The following PABPC1L variants were observed in gnomAD, a reference collection of about 807,000 sequenced individuals.
The protein encoded by PABPC1L is poly(A) binding protein cytoplasmic 1 like.
A neutral mutation model predicts 66.6 loss-of-function variants in PABPC1L; 31 were observed. The observed-to-expected ratio is 0.47, with a 90% CI of 0.35 to 0.63. PABPC1L has a LOEUF of 0.63. PABPC1L is among the 20% of genes least tolerant of loss of function. The pLI is 0.00. For synonymous variants in PABPC1L, 348 were observed against 335.1 expected, an observed-to-expected ratio of 1.04 and a Z score of -0.42; for missense variants, 722 against 848.8, an observed-to-expected ratio of 0.85 and a Z score of 1.86.
chr20:44,938,528 G>T, intron 13 of PABPC1L, 146 bp from the exon 14 acceptor site: 1 of 902,914 alleles, frequency 1.1e-6, no homozygotes, highest in African/African-American at 1.7e-5. Context: ...GATCTTGCAA[G>T]CAGTGGTGGA....
chr20:44,939,108 T>G lies in PABPC1L; in HGVS notation c.*7-18T>G. 1.4e-6 allele frequency: 1 copy of G among 717,770 alleles called. No individual in the cohort carries two copies. 44.5% of individuals were successfully genotyped at this position (717,770 alleles called of 1,614,324 possible). On this transcript the variant is annotated intron_variant, in intron 14 of 14. Transcript: ENST00000217073. ...TGCCATACTTTAAAAACACTTATTT[T>G]TACCTTTTTGTCCTCAGAAAAGGAA...
At chr20:44,934,542 C>T (rs1301961641) in intron 10 of PABPC1L, among the ~76,000 whole-genome samples, 1 of 152,226 alleles carries the variant, frequency 6.6e-6, no homozygotes, top group African/African-American at 2.4e-5. Context: ...GTGAATTTGA[C>T]TGTTCTTGCT....
Position 44,921,737 on chromosome 20 carries a change from G to T in PABPC1L, c.876+6G>T, listed in dbSNP as rs749685953. 1 of 1,612,832 alleles carries T rather than the reference G, an allele frequency of 6.2e-7. No individual in the cohort carries two copies. Among genetic ancestry groups the T allele is most frequent in the South Asian group, 1.1e-5 (1 of 90,986 alleles). The stretch of plus-strand genomic sequence containing the variant: ...ACCGGCTGAGGCGTTACCAGGTGAG[G>T]TCAGGCTTCCTGGTGGCAGCCACTT... On this transcript the variant is annotated splice_donor_region_variant and intron_variant, in intron 6 of 14. Transcript: ENST00000217073.
Position 44,912,799 on chromosome 20 carries a change from C to T in PABPC1L, c.333C>T (p.Asp111=), listed in dbSNP as rs367578777. The T allele has an allele frequency of 1.8e-4, 293 of 1,614,032 alleles. No homozygotes were observed. The highest frequency in any genetic ancestry group is 1.2e-4 in the Non-Finnish European group (146 of 1,180,018). ...IFIKNLEDSI[D]NKALYDTFST... ...TCAAGAACCTGGAGGACTCCATTGA[C>T]AACAAGGCTTTATATGATACCTTCT... Residue 111 remains aspartate (D), a synonymous_variant, in exon 2 of 15, where the codon GAC becomes GAT. Coordinates refer to ENST00000217073, the MANE Select transcript of PABPC1L (RefSeq NM_001372179.1).
At chr20:44,931,671 T>C (rs2066860758) in intron 8 of PABPC1L, 1 of 151,886 alleles carries the variant, frequency 6.6e-6, no homozygotes, top group African/African-American at 2.4e-5. Context: ...ATTTTTTGTA[T>C]TTTTAGTAGA....
intron 12 of PABPC1L, chr20:44,937,100 A>G (rs1442806792): frequency 2.4e-6 from 1 of 425,334 alleles, no homozygotes; most frequent in Non-Finnish European, 4.7e-6. Flanking sequence ...CCTCTCCTGA[A>G]CGGGAGGAAG....
intron 7 of PABPC1L, among the ~76,000 whole-genome samples, chr20:44,928,957 GT>G (rs1183896445): frequency 6.6e-6 from 1 of 151,554 alleles, no homozygotes; most frequent in Non-Finnish European, 1.5e-5. Flanking sequence ...AGCCAGGCCG[GT>G]GTCTTCACCC....
intron 10 of PABPC1L, 65 bp from the exon 11 acceptor site, chr20:44,935,325 GT>G: frequency 3.3e-6 from 4 of 1,215,032 alleles, no homozygotes; most frequent in Non-Finnish European, 4.8e-6. Context: ...GTTTTGTTTT[GT>G]TTTGTTTTTG....
intron 7 of PABPC1L, 69 bp downstream of exon 7, chr20:44,924,325 C>A: frequency 8.0e-7 from 1 of 1,243,538 alleles, no homozygotes; most frequent in South Asian, 1.2e-5. Context: ...CCCCCACAAC[C>A]CCACCCCTCC....
chr20:44,932,293 C>A, intron 8 of PABPC1L, 49 bp from the exon 9 acceptor site: 1 of 1,489,848 alleles, frequency 6.7e-7, no homozygotes, highest in South Asian at 1.2e-5. Flanking sequence ...TAGCTTCTCA[C>A]CTACCCTGCC....
intron 10 of PABPC1L, among the ~76,000 whole-genome samples, chr20:44,934,242 C>T (rs1010379241): frequency 5.9e-5 from 9 of 152,214 alleles, no homozygotes; most frequent in African/African-American, 1.2e-4. Flanking sequence ...GGAGGTTCTG[C>T]GTGAACGAGG....
At chr20:44,930,997 T>TTTCATTCCTTCCTTCC (rs2066848896) in intron 8 of PABPC1L, among the ~76,000 whole-genome samples, 1 of 93,882 alleles carries the variant, frequency 1.1e-5, no homozygotes. Context: ...GACCTACATT[T>TTTCATTCCTTCCTTCC]TTCCTTCCTC....
At chr20:44,925,676 T>C (rs117871062) in intron 7 of PABPC1L, among the ~76,000 whole-genome samples, 200 of 152,296 alleles carry the variant, frequency 1.3e-3, no homozygotes, top group Non-Finnish European at 2.4e-3. Context: ...GGGAGCCTTG[T>C]GTTTGGAGGA....
intron 2 of PABPC1L, among the ~76,000 whole-genome samples, chr20:44,913,609 C>T (rs180994809): frequency 3.9e-4 from 59 of 152,102 alleles, no homozygotes; most frequent in African/African-American, 1.4e-3. Flanking sequence ...TTAGTGGAGA[C>T]AGGGTGGGTT....
chr20:44,913,714 T>G (rs1287568564), intron 2 of PABPC1L, among the ~76,000 whole-genome samples: 1 of 152,066 alleles, frequency 6.6e-6, no homozygotes, highest in African/African-American at 2.4e-5. Flanking sequence ...TTCACTACAT[T>G]CTATTGACCA....
intron 5 of PABPC1L, among the ~76,000 whole-genome samples, chr20:44,920,411 C>T (rs1356167988): frequency 6.6e-6 from 1 of 152,120 alleles, no homozygotes; most frequent in Non-Finnish European, 1.5e-5. Flanking sequence ...TGGCTTCTTT[C>T]ACTTAGTAAT....
Position 44,939,056 on chromosome 20 carries a change from C to T in PABPC1L, c.*7-70C>T, listed in dbSNP as rs375063024. On this transcript the variant is annotated intron_variant, in intron 14 of 14. Coordinates refer to ENST00000217073, the MANE Select transcript of PABPC1L (RefSeq NM_001372179.1). ...CCTGAAGGCCTGGCCAGGATGTAAC[C>T]ACCTTCTTTATTGAAGACTGGGTGT... The T allele has an allele frequency of 7.7e-4, 549 of 716,354 alleles. 11 individuals carry two copies. The South Asian group carries it at 7.8e-3, about 10-fold the overall frequency. The allele number at this position is 716,354 out of a possible 1,614,324, so 44.4% of individuals were successfully genotyped here. A position where few individuals can be genotyped will look rare whatever the true frequency, so the allele number is the denominator to read the frequency against.
chr20:44,922,733 AT>A (rs2066783007), intron 6 of PABPC1L, among the ~76,000 whole-genome samples: 1 of 152,204 alleles, frequency 6.6e-6, no homozygotes, highest in Admixed American at 6.5e-5. Flanking sequence ...AAATATACAT[AT>A]CCACACAAAA....
In PABPC1L at chr20:44,939,206, T is replaced by C. The variant is rs1568655006; in HGVS notation, c.*87T>C. The C allele has an allele frequency of 4.2e-6, 3 of 717,912 alleles. No homozygotes were observed. The highest frequency in any genetic ancestry group is 3.0e-5 in the South Asian group (2 of 67,602). 44.5% of individuals were successfully genotyped at this position (717,912 alleles called of 1,614,324 possible). ...CCCTAAGGCCCTGCAAACTCTAACT[T>C]ATTTCCCAATTAGTCTGTATCTATA... On this transcript the variant is annotated 3_prime_UTR_variant, in exon 15 of 15. Transcript: ENST00000217073.
Sources: gnomAD v4.1 joint callset for allele counts (sites outside exome capture counted in the v4.1 genomes callset) on GRCh38, gnomAD v4.1.1 for gene constraint, MANE v1.5 for transcripts, NCBI Gene and HGNC (gene_info 2026-07-23, HGNC 2026-07-21) for gene names.